P2RY12: variants seen among roughly 807,000 people sequenced by gnomAD.
P2RY12 encodes purinergic receptor P2Y12.
P2RY12 carries 3 observed loss-of-function variants against 4.5 expected under a neutral mutation model. The ratio of observed to expected loss-of-function variants is 0.67; its 90% CI spans 0.31 to 1.74. The LOEUF (loss-of-function observed/expected upper bound fraction) is 1.74. P2RY12 is among the 40% of genes most tolerant of loss of function. P2RY12 has a pLI of 0.09. For synonymous variants in P2RY12, 148 were observed against 154.1 expected, an observed-to-expected ratio of 0.96 and a Z score of 0.29; for missense variants, 356 against 407.8, an observed-to-expected ratio of 0.87 and a Z score of 1.09.
chr3:151,370,867 A>G (rs926824735), intron 1 of P2RY12, among the ~76,000 whole-genome samples: 3 of 152,218 alleles, frequency 2.0e-5, no homozygotes, highest in African/African-American at 4.8e-5. Context: ...CACTGGCCCC[A>G]TGATTTGTAG....
At chr3:151,383,820 G>T (rs1183889810) in intron 1 of P2RY12, 1 of 1,613,858 alleles carries the variant, frequency 6.2e-7, no homozygotes, top group Non-Finnish European at 8.5e-7. Context: ...GCACCCAGTG[G>T]ACTACAGACT....
At chr3:151,366,444 A>G (rs1036878971) in intron 1 of P2RY12, among the ~76,000 whole-genome samples, 1 of 152,218 alleles carries the variant, frequency 6.6e-6, no homozygotes, top group Non-Finnish European at 1.5e-5. Context: ...AAGAATGTCC[A>G]GGTCTAGATT....
At chr3:151,354,339 A>AT (rs895054783) in intron 1 of P2RY12, among the ~76,000 whole-genome samples, 36 of 151,828 alleles carry the variant, frequency 2.4e-4, no homozygotes, top group African/African-American at 5.6e-4. Context: ...AGCAATGCTT[A>AT]TTTTTTTTAA....
chr3:151,343,317 T>C (rs924733849), intron 1 of P2RY12, among the ~76,000 whole-genome samples: 3 of 152,236 alleles, frequency 2.0e-5, no homozygotes, highest in Non-Finnish European at 4.4e-5. Context: ...TACTACCTTA[T>C]TGAGAATTTA....
chr3:151,365,214 G>C, intron 1 of P2RY12: 1 of 1,605,918 alleles, frequency 6.2e-7, no homozygotes, highest in Non-Finnish European at 8.5e-7. Context: ...CAGGTGAGAT[G>C]GGTTACCCTG....
At chr3:151,383,343 T>C (rs1362496706) in intron 1 of P2RY12, among the ~76,000 whole-genome samples, 1 of 152,230 alleles carries the variant, frequency 6.6e-6, no homozygotes, top group Middle Eastern at 3.2e-3. Flanking sequence ...CCACCACTGC[T>C]GTGATAGTGG....
At chr3:151,371,818 T>C (rs1343936003) in intron 1 of P2RY12, among the ~76,000 whole-genome samples, 1 of 152,232 alleles carries the variant, frequency 6.6e-6, no homozygotes, top group Non-Finnish European at 1.5e-5. Flanking sequence ...ATGATAGTTA[T>C]TTGTCTCTCA....
At chr3:151,376,594 CTAAT>C (rs1385850654) in intron 1 of P2RY12, among the ~76,000 whole-genome samples, 4 of 152,082 alleles carry the variant, frequency 2.6e-5, no homozygotes, top group African/African-American at 9.7e-5. Context: ...ACAGTATTAA[CTAAT>C]TAATAATTAA....
chr3:151,366,047 G>C, intron 1 of P2RY12: 3 of 1,360,030 alleles, frequency 2.2e-6, no homozygotes, highest in Non-Finnish European at 2.9e-6. Context: ...TTTAGTTAGT[G>C]GGTAATCTTT....
Position 151,339,501 on chromosome 3 carries a change from T to C in P2RY12, c.-14-642A>G, listed in dbSNP as rs138275670. ...TTCCTGCCTCTATATTGCTCACTCA[T>C]TCAAAGATTGGCCTCACGGAGATTC... is the stretch of plus-strand genomic sequence containing the variant. On this transcript the variant is annotated intron_variant, in intron 2 of 2. Transcript: ENST00000302632. Among the ~76,000 whole-genome samples the C allele has an allele frequency of 1.8e-3, 279 of 152,166 alleles. 1 individual carries two copies. The highest frequency in any genetic ancestry group is 6.4e-3 in the African/African-American group (267 of 41,546).
At chr3:151,382,799 T>C in intron 1 of P2RY12, 2 of 1,401,406 alleles carry the variant, frequency 1.4e-6, no homozygotes, top group East Asian at 2.4e-5. Flanking sequence ...CATGTGAAAA[T>C]ACCTCCAGCT....
chr3:151,374,769 G>A (rs1027199032), intron 1 of P2RY12, among the ~76,000 whole-genome samples: 1 of 151,942 alleles, frequency 6.6e-6, no homozygotes, highest in Non-Finnish European at 1.5e-5. Context: ...TTCCTTTCTT[G>A]TCCCCAGCTC....
Position 151,338,416 on chromosome 3 carries a change from G to A in P2RY12, c.430C>T (p.Leu144Phe), listed in dbSNP as rs1751336111. ...NPKNLLGAKI[L>F]SVVIWAFMFL... The stretch of plus-strand genomic sequence containing the variant: ...ATGAATGCCCAGATGACAACAGAGA[G>A]AATCTTAGCCCCCAAGAGATTTTTG... The change falls in exon 3 of 3, where the codon CTC becomes TTC. Residue 144 changes from leucine to phenylalanine, a missense_variant. By Grantham distance (22) the Leu-to-Phe change is conservative. Transcript: ENST00000302632. 4 of 1,614,118 alleles carry A rather than the reference G, an allele frequency of 2.5e-6. No individual in the cohort carries two copies. Among genetic ancestry groups the A allele is most frequent in the Non-Finnish European group, 2.5e-6 (3 of 1,180,018 alleles).
chr3:151,368,393 T>C (rs2107953238), intron 1 of P2RY12: 1 of 692,534 alleles, frequency 1.4e-6, no homozygotes, highest in African/African-American at 1.8e-5. Flanking sequence ...GAGATGATAC[T>C]ATTCATTGAG....
chr3:151,384,648 C>T (rs1408438427), intron 1 of P2RY12, 44 bp downstream of exon 1: 3 of 192,780 alleles, frequency 1.6e-5, no homozygotes, highest in Non-Finnish European at 2.1e-5. Flanking sequence ...AAAAAGAAAC[C>T]AAATAAATCT....
At chr3:151,348,627 G>A (rs796284322) in intron 1 of P2RY12, among the ~76,000 whole-genome samples, 2 of 150,470 alleles carry the variant, frequency 1.3e-5, no homozygotes, top group East Asian at 1.9e-4. Flanking sequence ...AGAATCATTT[G>A]GGGGTGGGGA....
chr3:151,344,347 C>G lies in P2RY12; in HGVS notation c.-179-3587G>C, dbSNP rs142134756. Reference sequence around the variant, plus strand: ...ATTTCTTCATTCCTGTAACAGTTTCCTCATCCATGTGCACACCCATTCTTC... The same window carrying G: ...ATTTCTTCATTCCTGTAACAGTTTCGTCATCCATGTGCACACCCATTCTTC... On this transcript the variant is annotated intron_variant, in intron 1 of 2. Transcript: ENST00000302632. 3.3e-3 allele frequency among the ~76,000 whole-genome samples: 503 copies of G among 151,846 alleles called. 4 individuals carry two copies. Among genetic ancestry groups the G allele is most frequent in the African/African-American group, 0.012 (487 of 41,406 alleles).
chr3:151,345,505 T>C lies in P2RY12; in HGVS notation c.-179-4745A>G, dbSNP rs550635667. Among the ~76,000 whole-genome samples the C allele has an allele frequency of 3.1e-4, 14 of 44,714 alleles. No individual in the cohort carries two copies. In the South Asian group the frequency reaches 0.012, roughly 37 times the overall value. The allele number at this position is 44,714 out of a possible 152,430, so 29.3% of individuals were successfully genotyped here. A position where few individuals can be genotyped will look rare whatever the true frequency, so the allele number is the denominator to read the frequency against. ...TTTGAAGGCTTCTACGTTTTCTTTC[T>C]TTTTTCTTTTTCTTTTTTTTTTTTT... is the stretch of plus-strand genomic sequence containing the variant. On this transcript the variant is annotated intron_variant, in intron 1 of 2. Coordinates refer to ENST00000302632, the MANE Select transcript of P2RY12 (RefSeq NM_022788.5).
At chr3:151,375,369 A>G (rs1364535633) in intron 1 of P2RY12, among the ~76,000 whole-genome samples, 1 of 152,140 alleles carries the variant, frequency 6.6e-6, no homozygotes, top group Non-Finnish European at 1.5e-5. Flanking sequence ...TAGTATAATA[A>G]TTTGCCTTTG....
Sources: gnomAD v4.1 joint callset for allele counts (sites outside exome capture counted in the v4.1 genomes callset) on GRCh38, gnomAD v4.1.1 for gene constraint, MANE v1.5 for transcripts, NCBI Gene and HGNC (gene_info 2026-07-23, HGNC 2026-07-21) for gene names.